Variants in PRKAG2 observed in about 807,000 individuals in gnomAD.
PRKAG2 encodes protein kinase AMP-activated non-catalytic subunit gamma 2.
Under a neutral mutation model 69.6 loss-of-function variants are expected in PRKAG2, and 26 were observed. The observed-to-expected ratio is 0.37, with a 90% CI of 0.27 to 0.52. The LOEUF is 0.52. PRKAG2 is among the 20% of genes least tolerant of loss of function. The pLI is 0.90. For synonymous variants in PRKAG2, 293 were observed against 285.0 expected, an observed-to-expected ratio of 1.03 and a Z score of -0.28; for missense variants, 557 against 740.0, an observed-to-expected ratio of 0.75 and a Z score of 2.87.
At chr7:151,641,682 G>T (rs532592122) in intron 4 of PRKAG2, among the ~76,000 whole-genome samples, 1 of 150,634 alleles carries the variant, frequency 6.6e-6, no homozygotes, top group Admixed American at 6.6e-5. Context: ...GTACCTGGGA[G>T]TGCCAGCACG....
At chr7:151,605,213 C>T (rs979586470) in intron 5 of PRKAG2, among the ~76,000 whole-genome samples, 5 of 150,642 alleles carry the variant, frequency 3.3e-5, no homozygotes, top group Non-Finnish European at 5.9e-5. Context: ...GACGGGGTTT[C>T]ACCATGTTGG....
chr7:151,766,276 T>G (rs73485920), intron 3 of PRKAG2, among the ~76,000 whole-genome samples: 5,451 of 152,240 alleles, frequency 0.036, 269 homozygotes, highest in African/African-American at 0.11. Context: ...AGCCCATTTA[T>G]CAAAATCTAT....
intron 3 of PRKAG2, among the ~76,000 whole-genome samples, chr7:151,717,988 G>A (rs1796433103): frequency 6.6e-6 from 1 of 152,194 alleles, no homozygotes; most frequent in African/African-American, 2.4e-5. Flanking sequence ...CTGACCTTGG[G>A]AGTGGGGGGA....
intron 4 of PRKAG2, among the ~76,000 whole-genome samples, chr7:151,658,152 G>A (rs1479348450): frequency 7.2e-5 from 6 of 83,430 alleles, no homozygotes; most frequent in Admixed American, 1.2e-4. Flanking sequence ...GCAAGAGTCC[G>A]TCTCATAAAT....
In PRKAG2 at chr7:151,595,464, A is replaced by G. The variant is rs774367787; in HGVS notation, c.755-10T>C. On this transcript the variant is annotated splice_polypyrimidine_tract_variant and intron_variant, in intron 5 of 15. Transcript: ENST00000287878. ...TCTGAGTCTTCTACTGCTAAAAGAA[A>G]AAAAGGCAAAACATCAGTAATAATA... is the stretch of plus-strand genomic sequence containing the variant. The G allele has an allele frequency of 1.8e-5, 28 of 1,580,882 alleles. No individual in the cohort carries two copies. Among genetic ancestry groups the G allele is most frequent in the Non-Finnish European group, 2.3e-5 (27 of 1,150,418 alleles).
intron 3 of PRKAG2, among the ~76,000 whole-genome samples, chr7:151,700,477 G>T (rs866570952): frequency 4.6e-5 from 7 of 152,204 alleles, no homozygotes; most frequent in Non-Finnish European, 5.9e-5. Flanking sequence ...CAGGGGTTCC[G>T]AATTTTGGCA....
At chr7:151,603,520 G>A (rs1816714789) in intron 5 of PRKAG2, among the ~76,000 whole-genome samples, 1 of 96,530 alleles carries the variant, frequency 1.0e-5, no homozygotes, top group Non-Finnish European at 1.9e-5. Context: ...GACACGCTCC[G>A]TCCTCACCGC....
chr7:151,767,575 G>C (rs532661093), intron 3 of PRKAG2, among the ~76,000 whole-genome samples: 6 of 152,232 alleles, frequency 3.9e-5, no homozygotes, highest in Admixed American at 6.5e-5. Flanking sequence ...ACAGGCGTGA[G>C]CCACCATGCC....
chr7:151,789,801 CTGCG>C (rs2077187961), intron 1 of PRKAG2, among the ~76,000 whole-genome samples: 1 of 152,222 alleles, frequency 6.6e-6, no homozygotes, highest in African/African-American at 2.4e-5. Context: ...AGATGGAGAG[CTGCG>C]TGCCTCCCAA....
intron 4 of PRKAG2, among the ~76,000 whole-genome samples, chr7:151,655,924 C>A (rs180692320): frequency 1.8e-4 from 27 of 152,070 alleles, no homozygotes; most frequent in African/African-American, 6.5e-4. Context: ...CTACCCAAAT[C>A]TGGTGAAAAT....
intron 3 of PRKAG2, among the ~76,000 whole-genome samples, chr7:151,688,927 G>T (rs940155827): frequency 1.9e-4 from 29 of 152,106 alleles, no homozygotes; most frequent in African/African-American, 6.5e-4. Flanking sequence ...AGGGTGGCCG[G>T]CCTCCCTGTT....
At chr7:151,753,281 GA>G (rs1436203915) in intron 3 of PRKAG2, among the ~76,000 whole-genome samples, 1 of 152,254 alleles carries the variant, frequency 6.6e-6, no homozygotes, top group Non-Finnish European at 1.5e-5. Context: ...CAGCTTAGCT[GA>G]TAGCATGATA....
At chr7:151,590,766 G>A (rs1172387096) in intron 6 of PRKAG2, among the ~76,000 whole-genome samples, 1 of 152,228 alleles carries the variant, frequency 6.6e-6, no homozygotes, top group Non-Finnish European at 1.5e-5. Context: ...AACCGAAGAA[G>A]TATGTATGGG....
chr7:151,614,885 A>C lies in PRKAG2; in HGVS notation c.754+17184T>G, dbSNP rs902223789. On this transcript the variant is annotated intron_variant, in intron 5 of 15. Transcript: ENST00000287878. The surrounding 1 kb of genome is among the most constrained non-coding windows in gnomAD (Gnocchi z 4.4). ...CTTTACACTGGAACAAAAGAGCCTC[A>C]AAGGGGCCATGTGGATCCAGAGGGA... 6.6e-6 allele frequency among the ~76,000 whole-genome samples: 1 copy of C among 152,230 alleles called. No homozygotes were observed. The highest frequency in any genetic ancestry group is 2.1e-4 in the South Asian group (1 of 4,836).
chr7:151,865,827 G>C (rs1398740119), intron 1 of PRKAG2, among the ~76,000 whole-genome samples: 1 of 152,124 alleles, frequency 6.6e-6, no homozygotes, highest in Middle Eastern at 3.2e-3. Context: ...AGACCATCCT[G>C]GCTAACACGG....
intron 3 of PRKAG2, chr7:151,734,102 A>C (rs555727276): frequency 2.6e-5 from 4 of 152,110 alleles, no homozygotes; most frequent in Non-Finnish European, 5.9e-5. Flanking sequence ...CTTCTTCACA[A>C]GATTGAACAC....
Position 151,562,487 on chromosome 7 carries a change from T to TAAC in PRKAG2, c.1584+1590_1584+1591insGTT, listed in dbSNP as rs546792850. On this transcript the variant is annotated intron_variant, in intron 14 of 15. Coordinates refer to ENST00000287878, the MANE Select transcript of PRKAG2 (RefSeq NM_016203.4). Reference sequence around the variant, plus strand: ...AGGTTAATAATAATAATAATAATAATGGCTTGGTCATCTTTCCCGTGGCAG... The same window carrying TAAC: ...AGGTTAATAATAATAATAATAATAATAACGGCTTGGTCATCTTTCCCGTGGCAG... Among the ~76,000 whole-genome samples, 234 of 151,768 alleles carry TAAC rather than the reference T, an allele frequency of 1.5e-3. 2 individuals carry two copies. Among genetic ancestry groups the TAAC allele is most frequent in the African/African-American group, 5.4e-3 (225 of 41,374 alleles).
intron 1 of PRKAG2, among the ~76,000 whole-genome samples, chr7:151,873,067 C>G (rs1356505342): frequency 6.6e-6 from 1 of 152,212 alleles, no homozygotes; most frequent in Non-Finnish European, 1.5e-5. Flanking sequence ...AATCTAGATT[C>G]AACTAGGCAT....
At chr7:151,602,437 T>C (rs953858089) in intron 5 of PRKAG2, among the ~76,000 whole-genome samples, 1 of 152,172 alleles carries the variant, frequency 6.6e-6, no homozygotes, top group Non-Finnish European at 1.5e-5. Context: ...TGTGAAATAA[T>C]TGAAAATAAT....
Sources: gnomAD v4.1 joint callset for allele counts (sites outside exome capture counted in the v4.1 genomes callset) on GRCh38, gnomAD v4.1.1 for gene constraint, Gnocchi (gnomAD v3.1) non-coding constraint, MANE v1.5 for transcripts, NCBI Gene and HGNC (gene_info 2026-07-23, HGNC 2026-07-21) for gene names.